The following PDE8B variants were observed in gnomAD, a reference collection of about 807,000 sequenced individuals.
The protein encoded by PDE8B is high affinity cAMP-specific and IBMX-insensitive 3',5'-cyclic phosphodiesterase 8B.
In PDE8B, 26 loss-of-function variants were observed where a neutral mutation model predicts 101.3. The observed-to-expected ratio is 0.26, with a 90% CI of 0.19 to 0.36. PDE8B has a LOEUF of 0.36. Ranked by LOEUF, PDE8B falls within the 10% of genes least tolerant of loss-of-function variation. PDE8B has a pLI of 1.00. For missense variants in PDE8B, 810 were observed against 1,163.1 expected (o/e 0.70, Z 4.42); for synonymous variants, 424 against 429.3 (o/e 0.99, Z 0.15).
At chr5:77,196,617 A>G in the PDE8B span, among the ~76,000 whole-genome samples, 1 of 152,062 alleles carries the variant, frequency 6.6e-6, no homozygotes, top group Admixed American at 6.6e-5. Context: ...TTTTGTGTCT[A>G]TGTTTAGGGG....
intron 2 of PDE8B, among the ~76,000 whole-genome samples, chr5:77,320,460 A>G (rs947572106): frequency 3.9e-5 from 6 of 152,226 alleles, no homozygotes; most frequent in Admixed American, 3.3e-4. Flanking sequence ...AGTGAGATCG[A>G]TGTGACAAAA....
chr5:77,197,407 A>G, the PDE8B span, among the ~76,000 whole-genome samples: 1 of 151,936 alleles, frequency 6.6e-6, no homozygotes, highest in Non-Finnish European at 1.5e-5. Context: ...GTGAGCCACC[A>G]CATCTTGCCC....
At chr5:77,147,019 A>G in the PDE8B span, 1 of 462,094 alleles carries the variant, frequency 2.2e-6, no homozygotes. Flanking sequence ...AAGGCTGTGA[A>G]GCTGAAGGAA....
chr5:77,308,929 A>G (rs1035127386), intron 1 of PDE8B, among the ~76,000 whole-genome samples: 1 of 152,170 alleles, frequency 6.6e-6, no homozygotes, highest in African/African-American at 2.4e-5. Context: ...CTGTAATCCC[A>G]GCACTTTAGG....
At chr5:77,160,380 G>A in the PDE8B span, among the ~76,000 whole-genome samples, 1 of 152,232 alleles carries the variant, frequency 6.6e-6, no homozygotes, top group South Asian at 2.1e-4. Context: ...CCACAGACAG[G>A]AAAATTTGGC....
the PDE8B span, among the ~76,000 whole-genome samples, chr5:77,124,396 C>A: frequency 2.0e-5 from 3 of 151,970 alleles, no homozygotes; most frequent in Admixed American, 2.0e-4. Flanking sequence ...TCAAGACCAT[C>A]CTGGGCAATG....
intron 5 of PDE8B, among the ~76,000 whole-genome samples, chr5:77,336,050 G>C (rs569042642): frequency 9.9e-5 from 15 of 152,090 alleles, no homozygotes; most frequent in Non-Finnish European, 1.8e-4. Flanking sequence ...TTTAAACGCG[G>C]GACTTGAGCA....
At chr5:77,341,332 A>G (rs1779179972) in intron 6 of PDE8B, among the ~76,000 whole-genome samples, 1 of 152,106 alleles carries the variant, frequency 6.6e-6, no homozygotes, top group Non-Finnish European at 1.5e-5. Flanking sequence ...ATAAGCATTT[A>G]CTTTGTCTTA....
chr5:77,407,352 T>G (rs1470267167), intron 12 of PDE8B, 29 bp from the exon 13 acceptor site: 4 of 1,602,298 alleles, frequency 2.5e-6, no homozygotes, highest in Non-Finnish European at 3.4e-6. Flanking sequence ...CCACCGGAAC[T>G]GGACACAGCT....
chr5:77,295,204 A>G (rs1768251120), intron 1 of PDE8B, among the ~76,000 whole-genome samples: 1 of 152,226 alleles, frequency 6.6e-6, no homozygotes, highest in Admixed American at 6.5e-5. Context: ...TGAGCCAATT[A>G]TTCTACATTC....
intron 10 of PDE8B, among the ~76,000 whole-genome samples, chr5:77,372,153 T>A (rs1254695007): frequency 6.6e-6 from 1 of 152,176 alleles, no homozygotes; most frequent in East Asian, 1.9e-4. Flanking sequence ...TGAGCTGAGA[T>A]TGTGCCACTG....
the PDE8B span, chr5:77,112,253 G>A: frequency 3.3e-5 from 5 of 152,224 alleles, no homozygotes; most frequent in South Asian, 2.1e-4. Flanking sequence ...TGTACAAAAA[G>A]AGGTACATAA....
intron 2 of PDE8B, 42 bp from the exon 3 acceptor site, chr5:77,325,497 G>C (rs1775882256): frequency 3.2e-6 from 5 of 1,572,478 alleles, no homozygotes; most frequent in Non-Finnish European, 4.4e-6. Flanking sequence ...AGTCTCTATG[G>C]ATGATGATTT....
intron 6 of PDE8B, among the ~76,000 whole-genome samples, chr5:77,340,338 T>C (rs1472274778): frequency 1.3e-5 from 2 of 152,238 alleles, no homozygotes; most frequent in Non-Finnish European, 2.9e-5. Context: ...TAGAGCACTT[T>C]ATTCTCATAT....
chr5:77,173,986 T>G, the PDE8B span, among the ~76,000 whole-genome samples: 1 of 152,214 alleles, frequency 6.6e-6, no homozygotes, highest in Non-Finnish European at 1.5e-5. Context: ...GACCAACCAC[T>G]GGCCTGAGAG....
At chr5:77,362,780 TC>T (rs375864310) in intron 10 of PDE8B, among the ~76,000 whole-genome samples, 4 of 152,330 alleles carry the variant, frequency 2.6e-5, no homozygotes, top group African/African-American at 7.2e-5. Context: ...TGTGTGTCAC[TC>T]CCTCTGTCTA....
chr5:77,177,628 A>G, the PDE8B span, among the ~76,000 whole-genome samples: 1 of 152,268 alleles, frequency 6.6e-6, no homozygotes, highest in Non-Finnish European at 1.5e-5. Context: ...AATGGCCAGC[A>G]TCACTGCTCT....
the PDE8B span, among the ~76,000 whole-genome samples, chr5:77,095,348 C>G: frequency 2.6e-5 from 4 of 152,182 alleles, no homozygotes; most frequent in South Asian, 4.1e-4. Context: ...ACTTTCTTCT[C>G]TTGTTAGCCA....
the PDE8B span, among the ~76,000 whole-genome samples, chr5:77,096,001 T>C: frequency 2.0e-5 from 3 of 151,954 alleles, no homozygotes; most frequent in African/African-American, 7.3e-5. Context: ...TGATACACAT[T>C]TTTTTTTGAG....
Sources: gnomAD v4.1 joint callset for allele counts (sites outside exome capture counted in the v4.1 genomes callset) on GRCh38, gnomAD v4.1.1 for gene constraint, MANE v1.5 for transcripts, NCBI Gene and HGNC (gene_info 2026-07-23, HGNC 2026-07-21) for gene names.